TMEM132B: variants seen among roughly 807,000 people sequenced by gnomAD.
TMEM132B encodes transmembrane protein 132B.
In TMEM132B, 18 loss-of-function variants were observed where a neutral mutation model predicts 90.8. The ratio of observed to expected loss-of-function variants is 0.20; its 90% CI spans 0.14 to 0.29. The LOEUF is 0.29. Ranked by LOEUF, TMEM132B falls within the 10% of genes least tolerant of loss-of-function variation. The pLI is 1.00. For synonymous variants in TMEM132B, 504 were observed against 523.3 expected (o/e 0.96, Z 0.50); for missense variants, 1,096 against 1,326.8 (o/e 0.83, Z 2.70).
intron 3 of TMEM132B, among the ~76,000 whole-genome samples, chr12:125,517,824 C>T (rs1467402850): frequency 6.6e-6 from 1 of 152,128 alleles, no homozygotes; most frequent in Admixed American, 6.5e-5. Flanking sequence ...AATGTCTTTC[C>T]CAGGGTACAA....
chr12:125,266,410 GC>G (rs1874697148), intron 1 of TMEM132B, among the ~76,000 whole-genome samples: 1 of 152,194 alleles, frequency 6.6e-6, no homozygotes, highest in African/African-American at 2.4e-5. Flanking sequence ...TCGCCAGTGG[GC>G]ACTGGGTATT....
chr12:125,494,220 T>C (rs1273135108), intron 3 of TMEM132B, among the ~76,000 whole-genome samples: 381 of 18,008 alleles, frequency 0.021, no homozygotes, highest in African/African-American at 0.023. Flanking sequence ...TCCCCTCCTC[T>C]CCCTCCTCCC....
intron 1 of TMEM132B, among the ~76,000 whole-genome samples, chr12:125,224,438 G>A (rs539615940): frequency 1.0e-3 from 152 of 152,276 alleles, no homozygotes; most frequent in African/African-American, 3.2e-3. Context: ...CCAGGGTGCC[G>A]ACTGTTTTCT....
chr12:125,426,045 A>T (rs1880311775), intron 3 of TMEM132B, among the ~76,000 whole-genome samples: 1 of 152,226 alleles, frequency 6.6e-6, no homozygotes, highest in Admixed American at 6.5e-5. Flanking sequence ...AAGCGGGTGT[A>T]GCATTTTTCA....
intron 3 of TMEM132B, among the ~76,000 whole-genome samples, chr12:125,462,800 G>A (rs886320017): frequency 3.9e-5 from 6 of 152,200 alleles, no homozygotes; most frequent in African/African-American, 1.4e-4. Flanking sequence ...AAGAAAACTT[G>A]ACTAATCCAC....
chr12:125,187,052 G>A (rs868642322), intron 1 of TMEM132B, among the ~76,000 whole-genome samples, 186 bp downstream of exon 1: 1 of 152,168 alleles, frequency 6.6e-6, no homozygotes, highest in Non-Finnish European at 1.5e-5. Context: ...GGGAGAGCCC[G>A]CCTGCCTTCT....
intron 5 of TMEM132B, among the ~76,000 whole-genome samples, chr12:125,642,533 T>A (rs183708357): frequency 6.6e-6 from 1 of 152,342 alleles, no homozygotes; most frequent in African/African-American, 2.4e-5. Flanking sequence ...GGTAGCTCTA[T>A]CTACTACCAT....
intron 2 of TMEM132B, among the ~76,000 whole-genome samples, chr12:125,389,049 CACACACAA>C (rs1455990366): frequency 2.1e-4 from 31 of 146,028 alleles, no homozygotes; most frequent in Non-Finnish European, 3.7e-4. Context: ...CACACACACA[CACACACAA>C]ACACACAAGA....
At chr12:125,579,610 T>C (rs1270606729) in intron 4 of TMEM132B, among the ~76,000 whole-genome samples, 1 of 152,072 alleles carries the variant, frequency 6.6e-6, no homozygotes, top group Non-Finnish European at 1.5e-5. Context: ...GATCTACCTG[T>C]GTCAGCCTCC....
At position 125,190,367 on chromosome 12, in the gene TMEM132B, G is replaced by A. The variant is rs867778160; in HGVS notation, c.67+3501G>A. ...GAAAGTTAGAGAGCAAGTCTTAGTG[G>A]TGATGGTGATGGGAAAGGGGTGGTG... On this transcript the variant is annotated intron_variant, in intron 1 of 8. Coordinates refer to ENST00000682704, the MANE Select transcript of TMEM132B (RefSeq NM_001366854.1). Among the ~76,000 whole-genome samples the A allele has an allele frequency of 3.1e-4, 47 of 151,790 alleles. 1 individual carries two copies. The highest frequency in any genetic ancestry group is 3.4e-3 in the Middle Eastern group (1 of 294).
chr12:125,582,997 A>C (rs1175845369), intron 4 of TMEM132B, among the ~76,000 whole-genome samples: 1 of 152,360 alleles, frequency 6.6e-6, no homozygotes, highest in Middle Eastern at 3.4e-3. Context: ...TATCTTAAGA[A>C]TAGCAGGACA....
intron 1 of TMEM132B, among the ~76,000 whole-genome samples, chr12:125,229,574 A>G (rs557321875): frequency 1.3e-5 from 2 of 152,358 alleles, no homozygotes; most frequent in East Asian, 1.9e-4. Context: ...TCTGTCATCT[A>G]TCATTTATCT....
At chr12:125,616,323 G>A (rs183524097) in intron 5 of TMEM132B, among the ~76,000 whole-genome samples, 9 of 151,830 alleles carry the variant, frequency 5.9e-5, no homozygotes, top group Admixed American at 2.0e-4. Flanking sequence ...CTTTTATACC[G>A]TCTCGAGGTT....
At position 125,233,151 on chromosome 12, in the gene TMEM132B, G is replaced by C. The variant is rs576995349; in HGVS notation, c.67+46285G>C. Among the ~76,000 whole-genome samples the C allele has an allele frequency of 2.0e-5, 3 of 152,344 alleles. No individual in the cohort carries two copies. The South Asian group carries it at 6.2e-4, about 32-fold the overall frequency. On this transcript the variant is annotated intron_variant, in intron 1 of 8. Coordinates refer to ENST00000682704, the MANE Select transcript of TMEM132B (RefSeq NM_001366854.1). The stretch of plus-strand genomic sequence containing the variant: ...GGACTAGGATTTTTAACTCACCCCA[G>C]TGTCTGAAACAAAGTGGTTACTGGT...
At chr12:125,302,592 G>A (rs1039319517) in intron 1 of TMEM132B, among the ~76,000 whole-genome samples, 2 of 152,182 alleles carry the variant, frequency 1.3e-5, no homozygotes, top group African/African-American at 4.8e-5. Flanking sequence ...CGAATCTAAA[G>A]TCTGGGATGG....
intron 1 of TMEM132B, among the ~76,000 whole-genome samples, chr12:125,325,926 T>C (rs1305959250): frequency 1.3e-5 from 2 of 152,182 alleles, no homozygotes; most frequent in East Asian, 3.8e-4. Flanking sequence ...ACCCAAGAGC[T>C]TGGACTGTGT....
intron 1 of TMEM132B, among the ~76,000 whole-genome samples, chr12:125,195,727 G>A (rs189364512): frequency 6.6e-6 from 1 of 152,166 alleles, no homozygotes; most frequent in Admixed American, 6.5e-5. Flanking sequence ...AGCAGAGTCA[G>A]GAAGGTGGCA....
chr12:125,607,500 A>T (rs1045314065), intron 5 of TMEM132B, among the ~76,000 whole-genome samples: 2 of 152,198 alleles, frequency 1.3e-5, no homozygotes, highest in Non-Finnish European at 2.9e-5. Flanking sequence ...TGTTACTAAA[A>T]TACCTGAAGT....
At position 125,432,528 on chromosome 12, in the gene TMEM132B, T is replaced by TAGAGAGAGAGAG. The variant is rs1163300235; in HGVS notation, c.1106+16879_1106+16890dup. Among the ~76,000 whole-genome samples the TAGAGAGAGAGAG allele has an allele frequency of 5.1e-5, 2 of 39,128 alleles. 1 individual carries two copies. The highest frequency in any genetic ancestry group is 1.0e-4 in the Non-Finnish European group (2 of 20,094). 25.7% of individuals were successfully genotyped at this position (39,128 alleles called of 152,430 possible). A position where few individuals can be genotyped will look rare whatever the true frequency, so the allele number is the denominator to read the frequency against. On this transcript the variant is annotated intron_variant, in intron 3 of 8. Transcript: ENST00000682704. ...GTGTGTGTGTATATATATATATATA[T>TAGAGAGAGAGAG]AGAGAGAGAGAGAGAGAGAGAGAGA...
Sources: gnomAD v4.1 joint callset for allele counts (sites outside exome capture counted in the v4.1 genomes callset) on GRCh38, gnomAD v4.1.1 for gene constraint, MANE v1.5 for transcripts, NCBI Gene and HGNC (gene_info 2026-07-23, HGNC 2026-07-21) for gene names.